Variants in CLSTN2 observed in about 807,000 individuals in gnomAD.
CLSTN2 encodes the protein calsyntenin 2.
In CLSTN2, 48 loss-of-function variants were observed where a neutral mutation model predicts 101.2. The ratio of observed to expected loss-of-function variants is 0.47; its 90% CI spans 0.38 to 0.60. The LOEUF is 0.60. Ranked by LOEUF, CLSTN2 falls within the 20% of genes least tolerant of loss-of-function variation. CLSTN2 has a pLI of 0.00. For missense variants in CLSTN2, 1,160 were observed against 1,238.2 expected (o/e 0.94, Z 0.95); for synonymous variants, 481 against 463.6 (o/e 1.04, Z -0.48).
intron 6 of CLSTN2, among the ~76,000 whole-genome samples, chr3:140,451,253 G>T (rs1017116916): frequency 5.9e-5 from 9 of 152,328 alleles, no homozygotes; most frequent in Admixed American, 2.6e-4. Context: ...GCTGGGGAGA[G>T]ATGGGGAGAT....
intron 5 of CLSTN2, among the ~76,000 whole-genome samples, chr3:140,428,655 G>A (rs559540517): frequency 1.3e-5 from 2 of 152,250 alleles, no homozygotes; most frequent in South Asian, 2.1e-4. Context: ...ACCACCAGTT[G>A]GAAGAGTTTC....
intron 2 of CLSTN2, among the ~76,000 whole-genome samples, chr3:140,375,079 T>A (rs1251437625): frequency 6.6e-6 from 1 of 152,230 alleles, no homozygotes; most frequent in African/African-American, 2.4e-5. Flanking sequence ...GGATGGACAA[T>A]GCTCTTTGTT....
At chr3:139,965,756 C>T (rs1486058854) in intron 1 of CLSTN2, among the ~76,000 whole-genome samples, 1 of 152,142 alleles carries the variant, frequency 6.6e-6, no homozygotes, top group Non-Finnish European at 1.5e-5. Context: ...GGCCCAGAGC[C>T]CTCATGTAGC....
At chr3:140,061,062 G>A (rs958775066) in intron 1 of CLSTN2, among the ~76,000 whole-genome samples, 1 of 152,142 alleles carries the variant, frequency 6.6e-6, no homozygotes, top group Admixed American at 6.5e-5. Flanking sequence ...TCAGCCTAGG[G>A]GCCAGAAAGC....
chr3:140,414,797 T>C (rs765236492), intron 4 of CLSTN2, among the ~76,000 whole-genome samples: 1 of 152,024 alleles, frequency 6.6e-6, no homozygotes, highest in Non-Finnish European at 1.5e-5. Flanking sequence ...AAAATTACAA[T>C]GGCAGTTTTC....
chr3:140,131,719 A>T (rs1203576174), intron 1 of CLSTN2, among the ~76,000 whole-genome samples: 1 of 152,136 alleles, frequency 6.6e-6, no homozygotes, highest in Non-Finnish European at 1.5e-5. Context: ...TCATATCCTG[A>T]TAGTGATGGG....
intron 1 of CLSTN2, among the ~76,000 whole-genome samples, chr3:140,086,762 T>C (rs1363827827): frequency 6.6e-6 from 1 of 152,214 alleles, no homozygotes; most frequent in Non-Finnish European, 1.5e-5. Flanking sequence ...TCTCAATCCT[T>C]GAAAATTAGG....
chr3:140,554,045 A>G (rs1223042153), intron 10 of CLSTN2, among the ~76,000 whole-genome samples: 1 of 152,186 alleles, frequency 6.6e-6, no homozygotes, highest in African/African-American at 2.4e-5. Context: ...ATTCAGGGAT[A>G]AGAGGCAGAG....
intron 1 of CLSTN2, among the ~76,000 whole-genome samples, chr3:140,137,203 G>T (rs113624880): frequency 1.3e-5 from 2 of 152,208 alleles, no homozygotes; most frequent in East Asian, 1.9e-4. Context: ...GCCCCAGAAG[G>T]GCTCAGGATC....
chr3:140,062,627 C>T (rs2008226596), intron 1 of CLSTN2, among the ~76,000 whole-genome samples: 1 of 152,182 alleles, frequency 6.6e-6, no homozygotes, highest in Non-Finnish European at 1.5e-5. Context: ...CTTGCCCTGC[C>T]CTGGCTGAGC....
chr3:140,456,947 C>G (rs756420680), intron 6 of CLSTN2, among the ~76,000 whole-genome samples: 3 of 152,198 alleles, frequency 2.0e-5, no homozygotes, highest in Non-Finnish European at 4.4e-5. Context: ...GCATGGTCCT[C>G]TCTGCTGTGT....
chr3:140,308,492 T>C (rs568750180), intron 2 of CLSTN2, among the ~76,000 whole-genome samples: 1 of 152,352 alleles, frequency 6.6e-6, no homozygotes, highest in South Asian at 2.1e-4. Flanking sequence ...GTGTGGTGTT[T>C]ATGGAGGAAT....
At position 140,419,740 on chromosome 3, in the gene CLSTN2, C is replaced by T. The variant is rs147056659; in HGVS notation, c.638-1385C>T. On this transcript the variant is annotated intron_variant, in intron 4 of 16. Transcript: ENST00000458420. ...ATATATACGTATATACATGTATATA[C>T]GTATATATACACATATACGTGTATA... is the stretch of plus-strand genomic sequence containing the variant. Among the ~76,000 whole-genome samples, 393 of 61,880 alleles carry T rather than the reference C, an allele frequency of 6.4e-3. 166 individuals are homozygous for T. In the African/African-American group the frequency reaches 0.069, roughly 11 times the overall value. The allele number at this position is 61,880 out of a possible 152,430, so 40.6% of individuals were successfully genotyped here.
chr3:140,347,314 TGG>T (rs770800361), intron 2 of CLSTN2, among the ~76,000 whole-genome samples: 1 of 152,236 alleles, frequency 6.6e-6, no homozygotes, highest in Non-Finnish European at 1.5e-5. Context: ...AGAGAGGGTT[TGG>T]AATCTGAACA....
chr3:140,141,777 C>T (rs1560107528), intron 1 of CLSTN2, among the ~76,000 whole-genome samples: 1 of 152,144 alleles, frequency 6.6e-6, no homozygotes, highest in Non-Finnish European at 1.5e-5. Context: ...GGGCTGGTGC[C>T]CATGGTCTTT....
At position 140,404,770 on chromosome 3, in the gene CLSTN2, AGTGACCT is replaced by A; in HGVS notation, c.637+5_637+11del. The A allele has an allele frequency of 6.2e-7, 1 of 1,613,952 alleles. No homozygotes were observed. Among genetic ancestry groups the A allele is most frequent in the Non-Finnish European group, 8.5e-7 (1 of 1,179,818 alleles). ...CCTTTTGCCATCGACAGAAATGGTGAGTGACCTCAGAGGACCCCTGTGGGGTCAGGAA... is the reference window on the plus strand; with the variant it reads ...CCTTTTGCCATCGACAGAAATGGTGACAGAGGACCCCTGTGGGGTCAGGAA... On this transcript the variant is annotated splice_donor_5th_base_variant and intron_variant, in intron 4 of 16. Coordinates refer to ENST00000458420, the MANE Select transcript of CLSTN2 (RefSeq NM_022131.3).
intron 5 of CLSTN2, among the ~76,000 whole-genome samples, chr3:140,427,039 G>GAGAGAACAGGTTTGAGAAATA (rs2088572499): frequency 1.2e-4 from 17 of 144,752 alleles, no homozygotes; most frequent in African/African-American, 4.3e-4. Context: ...AGCCAGGCAT[G>GAGAGAACAGGTTTGAGAAATA]GTGGTGCATG....
At chr3:140,022,421 T>G (rs771263115) in intron 1 of CLSTN2, among the ~76,000 whole-genome samples, 1 of 152,188 alleles carries the variant, frequency 6.6e-6, no homozygotes, top group Non-Finnish European at 1.5e-5. Flanking sequence ...GCAATGAGCC[T>G]GGGTCTGGAG....
At chr3:140,239,226 G>A (rs1188304270) in intron 2 of CLSTN2, among the ~76,000 whole-genome samples, 7 of 152,102 alleles carry the variant, frequency 4.6e-5, no homozygotes, top group African/African-American at 1.2e-4. Flanking sequence ...TTTTGATTCA[G>A]TCCAGACCTG....
Sources: gnomAD v4.1 joint callset for allele counts (sites outside exome capture counted in the v4.1 genomes callset) on GRCh38, gnomAD v4.1.1 for gene constraint, MANE v1.5 for transcripts, NCBI Gene and HGNC (gene_info 2026-07-23, HGNC 2026-07-21) for gene names.